Variants in IMMP2L observed in about 807,000 individuals in gnomAD.
The protein encoded by IMMP2L is mitochondrial inner membrane protease subunit 2.
A neutral mutation model predicts 19.3 loss-of-function variants in IMMP2L; 18 were observed. The observed-to-expected ratio is 0.93, with a 90% CI of 0.64 to 1.38. The LOEUF (loss-of-function observed/expected upper bound fraction) is 1.38. Among genes scored for constraint, IMMP2L ranks in the 40% most tolerant of loss-of-function variants. IMMP2L has a pLI of 0.00. For missense variants in IMMP2L, 233 were observed against 218.2 expected (o/e 1.07, Z -0.43); for synonymous variants, 76 against 73.0 (o/e 1.04, Z -0.21).
intron 3 of IMMP2L, among the ~76,000 whole-genome samples, chr7:111,436,144 G>A (rs1319419665): frequency 6.6e-6 from 1 of 151,656 alleles, no homozygotes; most frequent in Non-Finnish European, 1.5e-5. Flanking sequence ...ATATGTACTG[G>A]GCAGTCCAAT....
chr7:111,051,885 T>C (rs116589990), intron 3 of IMMP2L, among the ~76,000 whole-genome samples: 1 of 152,210 alleles, frequency 6.6e-6, no homozygotes, highest in African/African-American at 2.4e-5. Flanking sequence ...ACTGACTCAA[T>C]GGACCTCTCC....
Position 110,832,282 on chromosome 7 carries a change from C to CAA in IMMP2L, c.408+54309_408+54310dup, listed in dbSNP as rs35194210. On this transcript the variant is annotated intron_variant, in intron 5 of 5. Coordinates refer to ENST00000405709, the MANE Select transcript of IMMP2L (RefSeq NM_032549.4). ...TCAAAACAAACAAAGAAAAAACAAA[C>CAA]AAAAAAACCCTACTCTGTCATTCTG... Among the ~76,000 whole-genome samples, 918 of 151,874 alleles carry CAA rather than the reference C, an allele frequency of 6.0e-3. 9 individuals carry two copies. Among genetic ancestry groups the CAA allele is most frequent in the Middle Eastern group, 0.024 (7 of 294 alleles).
chr7:111,394,086 T>C (rs1301643697), intron 3 of IMMP2L, among the ~76,000 whole-genome samples: 3 of 152,174 alleles, frequency 2.0e-5, no homozygotes, highest in Admixed American at 2.0e-4. Flanking sequence ...ATTTTTAAAA[T>C]ATTTTATCAT....
rs576976636 is a variant in IMMP2L at position 110,931,858 on chromosome 7, T to G, written c.305+31642A>C. ...ACTTCATATCCACCAGAGGACCCCT[T>G]TTTCCCTTACTCAGACAGACCAATC... On this transcript the variant is annotated intron_variant, in intron 4 of 5. Transcript: ENST00000405709. Among the ~76,000 whole-genome samples the G allele has an allele frequency of 2.0e-4, 30 of 152,210 alleles. 1 individual carries two copies. Among genetic ancestry groups the G allele is most frequent in the African/African-American group, 6.7e-4 (28 of 41,528 alleles).
At chr7:110,754,395 A>C (rs1797918142) in intron 5 of IMMP2L, among the ~76,000 whole-genome samples, 1 of 152,032 alleles carries the variant, frequency 6.6e-6, no homozygotes, top group African/African-American at 2.4e-5. Context: ...AGTAGAGTAC[A>C]GTTTTTCTAT....
At chr7:111,052,667 G>A (rs1313185698) in intron 3 of IMMP2L, among the ~76,000 whole-genome samples, 1 of 152,056 alleles carries the variant, frequency 6.6e-6, no homozygotes, top group African/African-American at 2.4e-5. Context: ...AGGACCTCTT[G>A]AGACTGTGTT....
At chr7:110,940,249 T>C (rs546049876) in intron 4 of IMMP2L, among the ~76,000 whole-genome samples, 1 of 150,894 alleles carries the variant, frequency 6.6e-6, no homozygotes, top group East Asian at 2.0e-4. Context: ...AACCTGGGAG[T>C]TGGAGCTTGC....
intron 4 of IMMP2L, among the ~76,000 whole-genome samples, chr7:110,944,574 C>T (rs182812577): frequency 6.6e-6 from 1 of 151,528 alleles, no homozygotes; most frequent in African/African-American, 2.4e-5. Flanking sequence ...GAAAAATCTC[C>T]CTCATTCTCC....
chr7:111,110,198 G>T (rs1402206539), intron 3 of IMMP2L, among the ~76,000 whole-genome samples: 3 of 152,108 alleles, frequency 2.0e-5, no homozygotes, highest in Non-Finnish European at 4.4e-5. Context: ...AAGCATCAAA[G>T]ATCCTATCTG....
intron 3 of IMMP2L, among the ~76,000 whole-genome samples, chr7:111,112,996 C>A (rs1334355151): frequency 6.6e-6 from 1 of 152,078 alleles, no homozygotes; most frequent in Non-Finnish European, 1.5e-5. Flanking sequence ...ACGTAAAACA[C>A]TGATATTAGT....
At chr7:111,256,194 T>C (rs150152077) in intron 3 of IMMP2L, among the ~76,000 whole-genome samples, 12 of 152,156 alleles carry the variant, frequency 7.9e-5, no homozygotes, top group Admixed American at 4.6e-4. Context: ...TAAAGTGCTA[T>C]GCTAATTAGG....
chr7:111,528,299 T>G (rs1270072730), intron 1 of IMMP2L, among the ~76,000 whole-genome samples: 1 of 152,048 alleles, frequency 6.6e-6, no homozygotes, highest in Non-Finnish European at 1.5e-5. Flanking sequence ...GCAATAACAA[T>G]CAGGTACTAA....
chr7:110,790,786 A>G (rs1232478636), intron 5 of IMMP2L, among the ~76,000 whole-genome samples: 3 of 151,780 alleles, frequency 2.0e-5, no homozygotes, highest in African/African-American at 7.3e-5. Context: ...TAGTCAAACT[A>G]AAGTTCCAAA....
intron 4 of IMMP2L, among the ~76,000 whole-genome samples, chr7:110,921,367 A>T (rs1814257212): frequency 6.6e-6 from 1 of 152,182 alleles, no homozygotes; most frequent in African/African-American, 2.4e-5. Flanking sequence ...GGAGAGTGGT[A>T]GCTGCAGGCA....
At chr7:111,303,510 A>G (rs1822490553) in intron 3 of IMMP2L, among the ~76,000 whole-genome samples, 1 of 152,050 alleles carries the variant, frequency 6.6e-6, no homozygotes, top group South Asian at 2.1e-4. Flanking sequence ...TTTGATTTCT[A>G]TGATCATGAC....
intron 3 of IMMP2L, among the ~76,000 whole-genome samples, chr7:111,083,582 T>G (rs1449955350): frequency 6.6e-6 from 1 of 152,152 alleles, no homozygotes; most frequent in Non-Finnish European, 1.5e-5. Context: ...ACTGTTGGCT[T>G]TGAAGCCTGA....
At chr7:111,517,800 A>G (rs887339855) in intron 2 of IMMP2L, among the ~76,000 whole-genome samples, 28 of 152,270 alleles carry the variant, frequency 1.8e-4, no homozygotes, top group Admixed American at 1.4e-3. Context: ...AAAGAAGTAC[A>G]TCTACTTTCA....
intron 1 of IMMP2L, among the ~76,000 whole-genome samples, chr7:111,556,037 C>CTATATATATATATAT (rs1791306579): frequency 9.2e-6 from 1 of 108,236 alleles, no homozygotes; most frequent in East Asian, 3.1e-4. Flanking sequence ...TATATATATA[C>CTATATATATATATAT]ATACCCAAAG....
At chr7:111,362,786 A>C (rs1025916106) in intron 3 of IMMP2L, among the ~76,000 whole-genome samples, 2 of 152,066 alleles carry the variant, frequency 1.3e-5, no homozygotes, top group African/African-American at 4.8e-5. Flanking sequence ...GATGCAAGGG[A>C]ATTTTCCATC....
Sources: gnomAD v4.1 joint callset for allele counts (sites outside exome capture counted in the v4.1 genomes callset) on GRCh38, gnomAD v4.1.1 for gene constraint, MANE v1.5 for transcripts, NCBI Gene and HGNC (gene_info 2026-07-23, HGNC 2026-07-21) for gene names.